GPHN: variants seen among roughly 807,000 people sequenced by gnomAD.
The protein encoded by GPHN is gephyrin.
Under a neutral mutation model 95.5 loss-of-function variants are expected in GPHN, and 17 were observed. That is an observed-to-expected ratio of 0.18 (90% CI 0.12 to 0.27). The LOEUF (loss-of-function observed/expected upper bound fraction) is 0.27. Ranked by LOEUF, GPHN falls within the 10% of genes least tolerant of loss-of-function variation. GPHN has a pLI of 1.00. For synonymous variants in GPHN, 320 were observed against 322.5 expected, an observed-to-expected ratio of 0.99 and a Z score of 0.08; for missense variants, 660 against 978.1, an observed-to-expected ratio of 0.67 and a Z score of 4.34.
At chr14:66,954,035 CAAA>C (rs34877524) in intron 8 of GPHN, among the ~76,000 whole-genome samples, 51 of 128,864 alleles carry the variant, frequency 4.0e-4, no homozygotes, top group Middle Eastern at 4.1e-3. Context: ...AACTCGGTCT[CAAA>C]AAAAAAAAAA....
chr14:67,593,459 C>A, the GPHN span: 15 of 346,440 alleles, frequency 4.3e-5, no homozygotes, highest in South Asian at 4.1e-4. Context: ...CCACTGCACT[C>A]CAGCCTGGGC....
chr14:66,916,039 T>A lies in GPHN; in HGVS notation c.426T>A (p.Ile142=). ...GAATCAGAGGGAAAACGCTCATAAT[T>A]AACCTGCCAGGTAGCAAGAAAGGAT... ...VCGIRGKTLI[I]NLPGSKKGSQ... is the part of the protein sequence containing the mutation. The change falls in exon 6 of 23, where the codon ATT becomes ATA. Residue 142 remains isoleucine (I), a synonymous_variant. Coordinates refer to ENST00000478722, the MANE Select transcript of GPHN (RefSeq NM_020806.5). The A allele has an allele frequency of 6.2e-7, 1 of 1,603,698 alleles. No individual in the cohort carries two copies. The highest frequency in any genetic ancestry group is 8.5e-7 in the Non-Finnish European group (1 of 1,170,512).
intron 5 of GPHN, among the ~76,000 whole-genome samples, chr14:66,886,853 C>A (rs181547566): frequency 4.6e-5 from 7 of 152,270 alleles, no homozygotes; most frequent in Admixed American, 4.6e-4. Flanking sequence ...GCGTGGGAAA[C>A]TGTCAGGTAG....
chr14:67,372,499 A>G, the GPHN span, among the ~76,000 whole-genome samples: 1 of 152,206 alleles, frequency 6.6e-6, no homozygotes, highest in East Asian at 1.9e-4. Context: ...TAAAAAGACA[A>G]ACCAGCATAT....
At chr14:66,825,676 T>C (rs1342051728) in intron 4 of GPHN, among the ~76,000 whole-genome samples, 5 of 152,204 alleles carry the variant, frequency 3.3e-5, no homozygotes, top group African/African-American at 1.2e-4. Context: ...TTTTTTTCTA[T>C]TCCTCTATAT....
intron 2 of GPHN, among the ~76,000 whole-genome samples, chr14:66,727,722 G>C (rs2071376589): frequency 6.6e-6 from 1 of 152,164 alleles, no homozygotes; most frequent in Non-Finnish European, 1.5e-5. Flanking sequence ...GGTGACTTGG[G>C]TGCTGTTAAA....
At chr14:66,683,367 T>TATATGTTC (rs1555379499) in intron 2 of GPHN, among the ~76,000 whole-genome samples, 1 of 18,906 alleles carries the variant, frequency 5.3e-5, no homozygotes, top group African/African-American at 1.6e-4. Flanking sequence ...TATATATATA[T>TATATGTTC]ATATATATAT....
intron 9 of GPHN, among the ~76,000 whole-genome samples, chr14:67,022,645 G>A (rs549865326): frequency 6.1e-5 from 7 of 114,670 alleles, no homozygotes; most frequent in Admixed American, 2.1e-4. Flanking sequence ...TTTTATTGCC[G>A]TTTTTTTAAA....
intron 4 of GPHN, among the ~76,000 whole-genome samples, chr14:66,825,398 C>G (rs2153493606): frequency 6.6e-6 from 1 of 152,186 alleles, no homozygotes; most frequent in East Asian, 1.9e-4. Context: ...CCACAAGGTA[C>G]TTTTGCTCTG....
At chr14:66,983,370 A>C (rs1296358425) in intron 9 of GPHN, among the ~76,000 whole-genome samples, 2 of 152,244 alleles carry the variant, frequency 1.3e-5, no homozygotes, top group African/African-American at 2.4e-5. Flanking sequence ...TTACATTTTA[A>C]ATCTACTGAT....
the GPHN span, chr14:67,576,404 C>T: frequency 1.7e-5 from 27 of 1,599,134 alleles, no homozygotes; most frequent in East Asian, 5.8e-4. The surrounding 1 kb of genome is among the most constrained non-coding windows in gnomAD (Gnocchi z 4.0). Flanking sequence ...GGATACGTGG[C>T]TCTACCACCT....
intron 1 of GPHN, among the ~76,000 whole-genome samples, chr14:66,525,180 T>A (rs2058637014): frequency 6.6e-6 from 1 of 152,202 alleles, no homozygotes. Flanking sequence ...TTTTTAATGA[T>A]CACCATTCTA....
chr14:66,583,862 A>G (rs936429363), intron 1 of GPHN, among the ~76,000 whole-genome samples: 4 of 151,874 alleles, frequency 2.6e-5, no homozygotes, highest in African/African-American at 7.3e-5. Flanking sequence ...TTGACTTGGC[A>G]ATGCGGGCTC....
At chr14:66,730,842 A>G (rs1206199407) in intron 2 of GPHN, among the ~76,000 whole-genome samples, 2 of 152,206 alleles carry the variant, frequency 1.3e-5, no homozygotes, top group African/African-American at 2.4e-5. Context: ...TCAGACACTG[A>G]TATGGTTTGG....
At chr14:67,440,775 G>A in the GPHN span, among the ~76,000 whole-genome samples, 1 of 150,732 alleles carries the variant, frequency 6.6e-6, no homozygotes, top group Non-Finnish European at 1.5e-5. Flanking sequence ...GACACTCCCA[G>A]TTTGCCCTGA....
intron 1 of GPHN, among the ~76,000 whole-genome samples, chr14:66,602,715 C>A (rs550346917): frequency 6.6e-6 from 1 of 151,724 alleles, no homozygotes; most frequent in East Asian, 1.9e-4. Flanking sequence ...AATTCAAGGT[C>A]AAAAGTACAA....
the GPHN span, chr14:67,674,849 G>T: frequency 5.8e-6 from 1 of 172,640 alleles, no homozygotes; most frequent in Non-Finnish European, 1.2e-5. Context: ...GGACCTGCGG[G>T]ACTGGCAGCG....
chr14:66,612,980 C>G (rs1431818031), intron 1 of GPHN, among the ~76,000 whole-genome samples: 2 of 151,824 alleles, frequency 1.3e-5, no homozygotes, highest in Non-Finnish European at 2.9e-5. Flanking sequence ...CAGTTTTTAG[C>G]TATTATGAGT....
chr14:67,296,585 CAAAAAAAAAAAAAAA>C, the GPHN span, among the ~76,000 whole-genome samples: 16 of 51,018 alleles, frequency 3.1e-4, no homozygotes, highest in South Asian at 6.7e-3. Context: ...AACTCTGTCT[CAAAAAAAAAAAAAAA>C]AAAAAAAAAA....
Sources: allele counts gnomAD v4.1 joint callset (sites outside exome capture counted in the v4.1 genomes callset), GRCh38; gene constraint gnomAD v4.1.1; non-coding constraint Gnocchi (gnomAD v3.1); transcripts MANE v1.5; gene names NCBI Gene and HGNC (gene_info 2026-07-23, HGNC 2026-07-21).